The following RPRD2 variants were observed in gnomAD, a reference collection of about 807,000 sequenced individuals.
RPRD2 encodes the protein regulation of nuclear pre-mRNA domain-containing protein 2.
In RPRD2, 12 loss-of-function variants were observed where a neutral mutation model predicts 104.4. That is an observed-to-expected ratio of 0.11 (90% CI 0.07 to 0.19). RPRD2 has a LOEUF of 0.19. Ranked by LOEUF, RPRD2 falls within the 10% of genes least tolerant of loss-of-function variation. The pLI is 1.00. For missense variants in RPRD2, 1,543 were observed against 1,790.1 expected, an observed-to-expected ratio of 0.86 and a Z score of 2.49; for synonymous variants, 714 against 684.9, an observed-to-expected ratio of 1.04 and a Z score of -0.66.
chr1:150,471,072 C>A lies in RPRD2; in HGVS notation c.2124C>A (p.Phe708Leu), dbSNP rs1489973568. 1.1e-5 allele frequency: 17 copies of A among 1,614,008 alleles called. No homozygotes were observed. Among genetic ancestry groups the A allele is most frequent in the Middle Eastern group, 3.3e-4 (2 of 6,062 alleles). ...SAPSESHPSDFQRGPTSTSID... is the reference protein window; with the variant it reads ...SAPSESHPSDLQRGPTSTSID... Reference sequence around the variant, plus strand: ...CATCAGAGAGCCATCCCTCAGACTTCCAGCGTGGCCCTACTAGCACCTCAA... The same window carrying A: ...CATCAGAGAGCCATCCCTCAGACTTACAGCGTGGCCCTACTAGCACCTCAA... The change falls in exon 11 of 11, where the codon TTC (phenylalanine) becomes TTA (leucine). Residue 708 changes from phenylalanine (F) to leucine (L), a missense_variant. Physicochemically the swap from Phe to Leu is conservative, Grantham distance 22. Coordinates refer to ENST00000369068, the MANE Select transcript of RPRD2 (RefSeq NM_015203.5). The surrounding 1 kb of genome is among the most constrained non-coding windows in gnomAD (Gnocchi z 5.3).
At chr1:150,430,215 T>A (rs1553891366) in intron 2 of RPRD2, among the ~76,000 whole-genome samples, 1 of 152,104 alleles carries the variant, frequency 6.6e-6, no homozygotes, top group East Asian at 1.9e-4. Flanking sequence ...GTAATGTATA[T>A]GAAATGTTAG....
chr1:150,460,812 T>TC (rs1667883224), intron 9 of RPRD2, among the ~76,000 whole-genome samples: 1 of 151,348 alleles, frequency 6.6e-6, no homozygotes, highest in Non-Finnish European at 1.5e-5. Context: ...CACTGCAGCC[T>TC]CCATCTCCCA....
At chr1:150,437,727 G>GC (rs1316755420) in intron 2 of RPRD2, among the ~76,000 whole-genome samples, 1 of 151,870 alleles carries the variant, frequency 6.6e-6, no homozygotes. Flanking sequence ...CTACAGGTGT[G>GC]CCCCACCACA....
chr1:150,397,863 C>T (rs1662650918), intron 1 of RPRD2, among the ~76,000 whole-genome samples: 1 of 152,072 alleles, frequency 6.6e-6, no homozygotes. Flanking sequence ...TCTCCTGCCT[C>T]AGTCAGCCTC....
chr1:150,469,839 G>A (rs1459856563), intron 10 of RPRD2, among the ~76,000 whole-genome samples: 1 of 151,902 alleles, frequency 6.6e-6, no homozygotes, highest in East Asian at 1.9e-4. Flanking sequence ...TATAAAATGG[G>A]GATTGTGTGT....
At chr1:150,414,590 G>T (rs1553888221) in intron 1 of RPRD2, among the ~76,000 whole-genome samples, 4 of 152,034 alleles carry the variant, frequency 2.6e-5, no homozygotes, top group African/African-American at 9.7e-5. Flanking sequence ...CAGGAGAGTG[G>T]TTAAGAGAGA....
chr1:150,438,710 C>T lies in RPRD2; in HGVS notation c.336-2213C>T, dbSNP rs891898486. Among the ~76,000 whole-genome samples, 10 of 152,220 alleles carry T rather than the reference C, an allele frequency of 6.6e-5. No homozygotes were observed. In the Middle Eastern group the frequency reaches 0.01, roughly 156 times the overall value. On this transcript the variant is annotated intron_variant, in intron 2 of 10. Transcript: ENST00000369068. The stretch of plus-strand genomic sequence containing the variant: ...ACATCCTAGAGTGTACTTAAATAAA[C>T]GTAGATGGCATAGCCTACTAAAAAC...
In RPRD2 at chr1:150,472,838, C is replaced by A. The variant is rs1211977496; in HGVS notation, c.3890C>A (p.Pro1297His). 6.8e-6 allele frequency: 11 copies of A among 1,612,286 alleles called. No homozygotes were observed. Among genetic ancestry groups the A allele is most frequent in the Non-Finnish European group, 8.5e-6 (10 of 1,179,010 alleles). ...TTTTCTACTCCACCCCCTCCTCCACCCCCTGTTGACCACTCTGGAGTTGTA... is the reference window on the plus strand; with the variant it reads ...TTTTCTACTCCACCCCCTCCTCCACACCCTGTTGACCACTCTGGAGTTGTA... ...VPFSTPPPPP[P>H]PVDHSGVVPF... is the part of the protein sequence containing the mutation. Residue 1297 changes from proline (P) to histidine (H), a missense_variant, in exon 11 of 11, where the codon CCC (proline) becomes CAC (histidine). Physicochemically the swap from Pro to His is moderately conservative, Grantham distance 77. This residue lies in a region of RPRD2 where 880 missense variants were observed against 885.6 expected (regional missense o/e 0.99). Coordinates refer to ENST00000369068, the MANE Select transcript of RPRD2 (RefSeq NM_015203.5).
At chr1:150,368,222 TTTA>T (rs781864319) in intron 1 of RPRD2, among the ~76,000 whole-genome samples, 14,018 of 143,602 alleles carry the variant, frequency 0.098, 715 homozygotes, top group Non-Finnish European at 0.12. Context: ...TTTTTTTTTT[TTTA>T]ATACGGAGTC....
At chr1:150,469,393 C>T (rs933602271) in intron 10 of RPRD2, among the ~76,000 whole-genome samples, 1 of 152,148 alleles carries the variant, frequency 6.6e-6, no homozygotes, top group African/African-American at 2.4e-5. Context: ...TCTCCAGCCT[C>T]AGCCTCCTGA....
chr1:150,411,262 A>G (rs940911389), intron 1 of RPRD2, among the ~76,000 whole-genome samples: 18 of 151,134 alleles, frequency 1.2e-4, no homozygotes, highest in African/African-American at 4.4e-4. Context: ...GGAGTTTTAG[A>G]CCAGCCTGAC....
intron 1 of RPRD2, among the ~76,000 whole-genome samples, chr1:150,398,182 T>C (rs1553884585): frequency 7.6e-6 from 1 of 131,112 alleles, no homozygotes; most frequent in African/African-American, 2.9e-5. Flanking sequence ...TTTTTGTGTT[T>C]TTATATTTAT....
chr1:150,450,495 A>G (rs1667082771), intron 7 of RPRD2, among the ~76,000 whole-genome samples: 4 of 144,066 alleles, frequency 2.8e-5, no homozygotes, highest in Non-Finnish European at 4.5e-5. Context: ...TAGTCCCACT[A>G]CTCCGCAGGC....
intron 2 of RPRD2, among the ~76,000 whole-genome samples, chr1:150,422,340 AAATAAT>A (rs145145770): frequency 2.6e-4 from 33 of 128,320 alleles, no homozygotes; most frequent in African/African-American, 6.1e-4. Context: ...CTCTGTCTCA[AAATAAT>A]AATAATAATA....
At chr1:150,464,843 C>A (rs1168852929) in intron 10 of RPRD2, 116 bp downstream of exon 10, 6 of 509,006 alleles carry the variant, frequency 1.2e-5, no homozygotes, top group Admixed American at 4.3e-5. Context: ...ACAGTTAATT[C>A]ATTATTCTTT....
intron 8 of RPRD2, among the ~76,000 whole-genome samples, chr1:150,459,839 T>C (rs1553898391): frequency 1.3e-5 from 2 of 152,082 alleles, no homozygotes. Context: ...CATGAGCCAT[T>C]GTCCCCAGCT....
intron 9 of RPRD2, among the ~76,000 whole-genome samples, chr1:150,460,976 T>C (rs1274216030): frequency 1.0e-4 from 15 of 147,452 alleles, no homozygotes; most frequent in East Asian, 2.1e-4. Flanking sequence ...CCACCCATCT[T>C]GGCCTCCCAA....
rs148276227 is a variant in RPRD2 at position 150,423,851 on chromosome 1, A to G, written c.335+6126A>G. On this transcript the variant is annotated intron_variant, in intron 2 of 10. Transcript: ENST00000369068. ...CTTATTGCCCAGGCTGGAGTGCAGT[A>G]GCGCGATCTCAGCTCACTGCAACCT... Among the ~76,000 whole-genome samples the G allele has an allele frequency of 8.5e-3, 1,272 of 149,700 alleles. 26 individuals carry two copies. Among genetic ancestry groups the G allele is most frequent in the African/African-American group, 0.03 (1,218 of 40,594 alleles).
In RPRD2 at chr1:150,444,965, C is replaced by T. The variant is rs782024325; in HGVS notation, c.694+588C>T. Among the ~76,000 whole-genome samples, 12 of 152,254 alleles carry T rather than the reference C, an allele frequency of 7.9e-5. No individual in the cohort carries two copies. In the South Asian group the frequency reaches 8.3e-4, roughly 11 times the overall value. On this transcript the variant is annotated intron_variant, in intron 6 of 10. Transcript: ENST00000369068. ...ACTTTGGGAAGCCAGGGCAGGAGGACTGCTTGAGACCAAGAGTTTGAGACT... is the reference window on the plus strand; with the variant it reads ...ACTTTGGGAAGCCAGGGCAGGAGGATTGCTTGAGACCAAGAGTTTGAGACT...
Sources: gnomAD v4.1 joint callset for allele counts (sites outside exome capture counted in the v4.1 genomes callset) on GRCh38, gnomAD v4.1.1 for gene constraint, gnomAD v4.1.1 regional missense constraint, Gnocchi (gnomAD v3.1) non-coding constraint, MANE v1.5 for transcripts, NCBI Gene and HGNC (gene_info 2026-07-23, HGNC 2026-07-21) for gene names.